Variants in NKAIN2 observed in about 807,000 individuals in gnomAD.
The protein encoded by NKAIN2 is sodium/potassium-transporting ATPase subunit beta-1-interacting protein 2.
NKAIN2 carries 14 observed loss-of-function variants against 32.6 expected under a neutral mutation model. That is an observed-to-expected ratio of 0.43 (90% confidence interval 0.28 to 0.67). The LOEUF is 0.67. NKAIN2 is among the 30% of genes least tolerant of loss of function. The pLI is 0.17. For missense variants in NKAIN2, 198 were observed against 258.3 expected, an observed-to-expected ratio of 0.77 and a Z score of 1.60; for synonymous variants, 80 against 87.2, an observed-to-expected ratio of 0.92 and a Z score of 0.46.
At chr6:124,126,056 G>A (rs1296221245) in intron 1 of NKAIN2, among the ~76,000 whole-genome samples, 1 of 151,988 alleles carries the variant, frequency 6.6e-6, no homozygotes, top group African/African-American at 2.4e-5. Context: ...GGCTTCTCGG[G>A]TGGGTCTCCC....
intron 1 of NKAIN2, among the ~76,000 whole-genome samples, chr6:123,921,906 G>A (rs549509657): frequency 3.2e-4 from 48 of 151,956 alleles, no homozygotes; most frequent in African/African-American, 8.0e-4. Context: ...ACTCCAGCCC[G>A]GGCAACAGAG....
rs371291104 is a variant in NKAIN2 at position 123,956,518 on chromosome 6, C to A, written c.54+152264C>A. ...CCCTCTGCAAGCTGAGGAGGGAGGT[C>A]TCACCAGCAACCAACCCTGCTGGCA... On this transcript the variant is annotated intron_variant, in intron 1 of 6. Transcript: ENST00000368417. 8.7e-4 allele frequency among the ~76,000 whole-genome samples: 133 copies of A among 152,266 alleles called. 2 individuals carry two copies. In the South Asian group the frequency reaches 0.027, roughly 31 times the overall value.
At chr6:124,684,823 A>G (rs1302815180) in intron 4 of NKAIN2, among the ~76,000 whole-genome samples, 1 of 151,944 alleles carries the variant, frequency 6.6e-6, no homozygotes, top group Non-Finnish European at 1.5e-5. Flanking sequence ...ATAGCAAACC[A>G]CCCTAACCCC....
chr6:124,023,313 T>C lies in NKAIN2; in HGVS notation c.54+219059T>C, dbSNP rs999104794. Among the ~76,000 whole-genome samples the C allele has an allele frequency of 7.9e-5, 12 of 152,080 alleles. No individual in the cohort carries two copies. The East Asian group carries it at 2.3e-3, about 29-fold the overall frequency. The stretch of plus-strand genomic sequence containing the variant: ...ATATGCAAAATGCTATTCTGATTCC[T>C]TGATTTCCTTCCTCTCTTATCTGGC... On this transcript the variant is annotated intron_variant, in intron 1 of 6. Coordinates refer to ENST00000368417, the MANE Select transcript of NKAIN2 (RefSeq NM_001040214.3).
chr6:124,527,300 A>T (rs1440209641), intron 3 of NKAIN2, among the ~76,000 whole-genome samples: 1 of 152,204 alleles, frequency 6.6e-6, no homozygotes, highest in Non-Finnish European at 1.5e-5. Flanking sequence ...TAAGAATGTC[A>T]GGAAAAATAT....
chr6:124,807,855 C>A (rs1424104001), intron 5 of NKAIN2, among the ~76,000 whole-genome samples: 1 of 150,834 alleles, frequency 6.6e-6, no homozygotes, highest in Non-Finnish European at 1.5e-5. Context: ...ACTACAAACA[C>A]CTGTACACAA....
intron 1 of NKAIN2, among the ~76,000 whole-genome samples, chr6:123,874,440 CT>C (rs1773067120): frequency 6.6e-6 from 1 of 152,010 alleles, no homozygotes. Context: ...ACAGCCCTGA[CT>C]GGGAAAAGGC....
intron 1 of NKAIN2, among the ~76,000 whole-genome samples, chr6:123,873,805 G>T (rs1209408146): frequency 6.6e-6 from 1 of 152,166 alleles, no homozygotes; most frequent in African/African-American, 2.4e-5. Context: ...TAATTATCAA[G>T]TACAATTGAT....
intron 1 of NKAIN2, among the ~76,000 whole-genome samples, chr6:123,987,112 G>A (rs971168915): frequency 2.6e-5 from 4 of 152,168 alleles, no homozygotes; most frequent in African/African-American, 7.2e-5. Flanking sequence ...TATAAGAAAT[G>A]TGCACAGTAT....
At chr6:123,962,966 A>G (rs892855844) in intron 1 of NKAIN2, among the ~76,000 whole-genome samples, 8 of 152,120 alleles carry the variant, frequency 5.3e-5, no homozygotes, top group African/African-American at 1.7e-4. Context: ...AGAACCTGAC[A>G]ATAGGTCAGC....
At chr6:123,818,724 A>C (rs954408342) in intron 1 of NKAIN2, among the ~76,000 whole-genome samples, 2 of 152,174 alleles carry the variant, frequency 1.3e-5, no homozygotes, top group African/African-American at 4.8e-5. Context: ...TTATGATTAA[A>C]TCTTGCATCT....
intron 4 of NKAIN2, among the ~76,000 whole-genome samples, chr6:124,667,488 GTAT>G (rs1304676545): frequency 6.6e-6 from 1 of 151,994 alleles, no homozygotes; most frequent in Non-Finnish European, 1.5e-5. Context: ...TTAAAATACA[GTAT>G]TTTTTGAAAG....
At chr6:124,055,511 A>T (rs1036180776) in intron 1 of NKAIN2, among the ~76,000 whole-genome samples, 1 of 152,032 alleles carries the variant, frequency 6.6e-6, no homozygotes, top group Non-Finnish European at 1.5e-5. Flanking sequence ...ACTCAGCAAG[A>T]CAGTTTACCT....
intron 1 of NKAIN2, among the ~76,000 whole-genome samples, chr6:123,904,501 G>C (rs555691350): frequency 2.8e-4 from 43 of 152,206 alleles, no homozygotes; most frequent in Admixed American, 2.0e-3. Context: ...TTGTTTCCCG[G>C]GTTACCCTCT....
In NKAIN2 at chr6:124,675,967, T is replaced by G. The variant is rs1461257299; in HGVS notation, c.474+17581T>G. Among the ~76,000 whole-genome samples, 3 of 152,172 alleles carry G rather than the reference T, an allele frequency of 2.0e-5. No individual in the cohort carries two copies. The East Asian group carries it at 5.8e-4, about 29-fold the overall frequency. ...CTTTTTTAATGTATGCATTTACCAC[T>G]GTAAACTGCTTTCTTCATACTGCTT... On this transcript the variant is annotated intron_variant, in intron 4 of 6. Transcript: ENST00000368417.
chr6:123,924,917 G>C (rs1042947507), intron 1 of NKAIN2, among the ~76,000 whole-genome samples: 1 of 151,884 alleles, frequency 6.6e-6, no homozygotes, highest in Non-Finnish European at 1.5e-5. Context: ...ATAAAATATA[G>C]GCACACACAT....
chr6:124,702,632 A>T (rs1774852249), intron 4 of NKAIN2, among the ~76,000 whole-genome samples: 1 of 151,786 alleles, frequency 6.6e-6, no homozygotes, highest in Non-Finnish European at 1.5e-5. Flanking sequence ...TACTCATCAC[A>T]CTCCCCATTT....
At chr6:124,304,893 A>G (rs1796447039) in intron 2 of NKAIN2, among the ~76,000 whole-genome samples, 1 of 152,170 alleles carries the variant, frequency 6.6e-6, no homozygotes, top group Non-Finnish European at 1.5e-5. Flanking sequence ...CAGCCTGGCG[A>G]CAGAACAAGA....
intron 3 of NKAIN2, among the ~76,000 whole-genome samples, chr6:124,450,549 C>T (rs976197410): frequency 6.6e-6 from 1 of 151,664 alleles, no homozygotes; most frequent in African/African-American, 2.4e-5. Flanking sequence ...ATAATTTTAA[C>T]TCTCAATTTT....
Sources: gnomAD v4.1 joint callset for allele counts (sites outside exome capture counted in the v4.1 genomes callset) on GRCh38, gnomAD v4.1.1 for gene constraint, MANE v1.5 for transcripts, NCBI Gene and HGNC (gene_info 2026-07-23, HGNC 2026-07-21) for gene names.